CSMD1: variants seen among roughly 807,000 people sequenced by gnomAD.
The protein encoded by CSMD1 is CUB and sushi domain-containing protein 1.
A neutral mutation model predicts 417.5 loss-of-function variants in CSMD1; 213 were observed. The observed-to-expected ratio is 0.51, with a 90% CI of 0.46 to 0.57. CSMD1 has a LOEUF of 0.57. CSMD1 is among the 20% of genes least tolerant of loss of function. The pLI is 0.00. For missense variants in CSMD1, 6,923 were observed against 4,529.7 expected (o/e 1.53, Z -15.17); for synonymous variants, 2,862 against 1,736.8 (o/e 1.65, Z -16.11).
chr8:4,179,141 G>A (rs1386236333), intron 3 of CSMD1, among the ~76,000 whole-genome samples: 1 of 152,080 alleles, frequency 6.6e-6, no homozygotes. Context: ...GCCAAAGGAA[G>A]AAAGCTGGAG....
intron 8 of CSMD1, among the ~76,000 whole-genome samples, chr8:3,606,990 G>A (rs929336366): frequency 3.3e-5 from 5 of 152,058 alleles, no homozygotes; most frequent in Admixed American, 6.6e-5. Context: ...CATTACAAGC[G>A]TGAGCCGCCG....
chr8:3,580,986 G>T (rs895317622), intron 9 of CSMD1, among the ~76,000 whole-genome samples: 6 of 152,130 alleles, frequency 3.9e-5, no homozygotes, highest in African/African-American at 1.4e-4. Flanking sequence ...CCCTGACTCT[G>T]CCTGGCTCCA....
At chr8:3,055,742 C>T (rs1225028068) in intron 49 of CSMD1, among the ~76,000 whole-genome samples, 1 of 152,210 alleles carries the variant, frequency 6.6e-6, no homozygotes, top group Admixed American at 6.5e-5. Context: ...GTCCCAGCAG[C>T]TTAGGCGAAT....
intron 26 of CSMD1, among the ~76,000 whole-genome samples, chr8:3,279,346 A>C (rs1802557230): frequency 6.6e-6 from 1 of 152,194 alleles, no homozygotes; most frequent in African/African-American, 2.4e-5. Flanking sequence ...TTAAAAATAG[A>C]CTGGTATTGG....
intron 2 of CSMD1, among the ~76,000 whole-genome samples, chr8:4,460,498 A>G (rs933752623): frequency 1.4e-4 from 22 of 152,160 alleles, no homozygotes; most frequent in Non-Finnish European, 2.9e-4. Context: ...AGTATACAAT[A>G]GAAAAAAATG....
chr8:3,602,859 CTA>C (rs1218977243), intron 8 of CSMD1, among the ~76,000 whole-genome samples: 1 of 151,978 alleles, frequency 6.6e-6, no homozygotes, highest in African/African-American at 2.4e-5. Context: ...AATTCATCAA[CTA>C]TGTTTTGTAT....
At chr8:4,382,525 A>G in intron 3 of CSMD1, among the ~76,000 whole-genome samples, 1 of 152,160 alleles carries the variant, frequency 6.6e-6, no homozygotes, top group Non-Finnish European at 1.5e-5. Flanking sequence ...TTTAAACTGT[A>G]TTGCAAAAAG....
intron 20 of CSMD1, among the ~76,000 whole-genome samples, chr8:3,364,782 C>A (rs1585056857): frequency 1.3e-5 from 2 of 152,290 alleles, no homozygotes; most frequent in East Asian, 3.9e-4. Flanking sequence ...TTGGACTTCC[C>A]AGGGTCCAGA....
In CSMD1 at chr8:3,311,394, T is replaced by C. The variant is rs181218932; in HGVS notation, c.3632-2891A>G. 5.9e-4 allele frequency among the ~76,000 whole-genome samples: 90 copies of C among 152,188 alleles called. 1 individual carries two copies. The East Asian group carries it at 0.015, about 25-fold the overall frequency. On this transcript the variant is annotated intron_variant, in intron 23 of 69. Coordinates refer to ENST00000635120, the MANE Select transcript of CSMD1 (RefSeq NM_033225.6). ...CCTCCTGAATAGCTGGGACTATAAG[T>C]GCGAGCCATCACACCCAGCTAATTT... is the stretch of plus-strand genomic sequence containing the variant.
intron 11 of CSMD1, among the ~76,000 whole-genome samples, chr8:3,477,251 A>G (rs1297481780): frequency 6.6e-6 from 1 of 152,204 alleles, no homozygotes; most frequent in Non-Finnish European, 1.5e-5. Flanking sequence ...AATTTTAAAA[A>G]AGGGGGAGAT....
intron 2 of CSMD1, among the ~76,000 whole-genome samples, chr8:4,602,657 G>A (rs1295463480): frequency 6.6e-6 from 1 of 152,128 alleles, no homozygotes. Flanking sequence ...AGGGCAAGTG[G>A]CAAATACTTC....
intron 1 of CSMD1, among the ~76,000 whole-genome samples, chr8:4,978,935 A>C (rs1032727555): frequency 6.6e-6 from 1 of 152,208 alleles, no homozygotes; most frequent in African/African-American, 2.4e-5. Flanking sequence ...TATTGGGAAC[A>C]GTCAGCACAA....
At chr8:3,530,730 T>A (rs1465928990) in intron 10 of CSMD1, among the ~76,000 whole-genome samples, 1 of 152,132 alleles carries the variant, frequency 6.6e-6, no homozygotes, top group Non-Finnish European at 1.5e-5. Context: ...AGTTTCACCA[T>A]GTTGGCCAGG....
At chr8:3,027,184 G>C (rs1348119583) in intron 51 of CSMD1, among the ~76,000 whole-genome samples, 1 of 151,872 alleles carries the variant, frequency 6.6e-6, no homozygotes, top group Non-Finnish European at 1.5e-5. Flanking sequence ...CAGGCCTTTT[G>C]GGGGGAAAAA....
chr8:3,947,919 T>C (rs1811344098), intron 5 of CSMD1, among the ~76,000 whole-genome samples: 1 of 152,110 alleles, frequency 6.6e-6, no homozygotes, highest in African/African-American at 2.4e-5. Context: ...AAATCTCCAA[T>C]GGTAGGCTGG....
In CSMD1 at chr8:3,022,236, A is replaced by T. The variant is rs530908650; in HGVS notation, c.7856-3586T>A. On this transcript the variant is annotated intron_variant, in intron 51 of 69. Coordinates refer to ENST00000635120, the MANE Select transcript of CSMD1 (RefSeq NM_033225.6). ...CCACAGCATCCGGAATACACCCGCA[A>T]TCCCACAGCATCTGGAATGCACCCG... Among the ~76,000 whole-genome samples the T allele has an allele frequency of 2.2e-3, 328 of 148,264 alleles. 4 individuals are homozygous for T. Among genetic ancestry groups the T allele is most frequent in the Non-Finnish European group, 3.9e-3 (265 of 67,180 alleles).
chr8:3,332,968 T>C (rs1807004113), intron 23 of CSMD1, among the ~76,000 whole-genome samples: 1 of 152,206 alleles, frequency 6.6e-6, no homozygotes. Flanking sequence ...CCTGACTCAA[T>C]CCAGGGAAAG....
intron 1 of CSMD1, among the ~76,000 whole-genome samples, chr8:4,664,027 T>C (rs1473455806): frequency 1.3e-5 from 2 of 152,194 alleles, no homozygotes; most frequent in Admixed American, 1.3e-4. Context: ...AATGCTGTTC[T>C]GATGAAGCTA....
At chr8:4,978,668 T>C (rs1381601981) in intron 1 of CSMD1, among the ~76,000 whole-genome samples, 1 of 152,190 alleles carries the variant, frequency 6.6e-6, no homozygotes, top group Non-Finnish European at 1.5e-5. Context: ...CCAGACACGG[T>C]GGCTCATTCC....
Sources: gnomAD v4.1 joint callset for allele counts (sites outside exome capture counted in the v4.1 genomes callset) on GRCh38, gnomAD v4.1.1 for gene constraint, MANE v1.5 for transcripts, NCBI Gene and HGNC (gene_info 2026-07-23, HGNC 2026-07-21) for gene names.